PTPRN2: variants seen among roughly 807,000 people sequenced by gnomAD.
PTPRN2 encodes the protein receptor-type tyrosine-protein phosphatase N2.
A neutral mutation model predicts 118.8 loss-of-function variants in PTPRN2; 74 were observed. The ratio of observed to expected loss-of-function variants is 0.62; its 90% CI spans 0.52 to 0.76. The LOEUF is 0.76. Among genes scored for constraint, PTPRN2 ranks in the 30% least tolerant of loss-of-function variants. PTPRN2 has a pLI of 0.00. For missense variants in PTPRN2, 1,481 were observed against 1,394.4 expected, an observed-to-expected ratio of 1.06 and a Z score of -0.99; for synonymous variants, 641 against 608.0, an observed-to-expected ratio of 1.05 and a Z score of -0.80.
intron 11 of PTPRN2, among the ~76,000 whole-genome samples, chr7:157,908,930 A>G (rs1483177161): frequency 1.3e-5 from 2 of 152,196 alleles, no homozygotes; most frequent in Admixed American, 1.3e-4. Flanking sequence ...TACATCTTGT[A>G]CCCTGTGTGC....
At chr7:157,998,330 C>T (rs564868091) in intron 11 of PTPRN2, among the ~76,000 whole-genome samples, 1 of 152,300 alleles carries the variant, frequency 6.6e-6, no homozygotes, top group Admixed American at 6.5e-5. Flanking sequence ...AACACTAGCT[C>T]AGAGCCAGGA....
rs1292506021 is a variant in PTPRN2 at position 158,470,772 on chromosome 7, G to A, written c.163+18963C>T. On this transcript the variant is annotated intron_variant, in intron 2 of 22. Transcript: ENST00000389418. ...GAGAACAGGCTCAGTACATCTTCCC[G>A]CTCATGTTACAGTGAAATGCGTGAC... Among the ~76,000 whole-genome samples, 6 of 152,216 alleles carry A rather than the reference G, an allele frequency of 3.9e-5. No individual in the cohort carries two copies. The South Asian group carries it at 6.2e-4, about 16-fold the overall frequency.
chr7:157,966,757 TATCACCATCACAATGATCACTATC>T (rs964152323), intron 11 of PTPRN2, among the ~76,000 whole-genome samples: 2 of 146,658 alleles, frequency 1.4e-5, no homozygotes, highest in African/African-American at 5.1e-5. Context: ...CCATTACCAT[TATCACCATCACAATGATCACTATC>T]ATCACCATCA....
Position 157,785,007 on chromosome 7 carries a change from G to A in PTPRN2, c.1789-102070C>T, listed in dbSNP as rs1292370008. 6.6e-6 allele frequency among the ~76,000 whole-genome samples: 1 copy of A among 152,288 alleles called. No homozygotes were observed. The stretch of plus-strand genomic sequence containing the variant: ...CCTCTGTCCAGGCGGCTGAGGTCAC[G>A]CGGTCTCTTCAGTTTCCATTTTTCC... On this transcript the variant is annotated intron_variant, in intron 12 of 22. Transcript: ENST00000389418. This position sits in a 1 kb window ranked among gnomAD's most constrained non-coding sequence, Gnocchi z 7.3.
At chr7:157,684,510 C>G (rs995509641) in intron 12 of PTPRN2, among the ~76,000 whole-genome samples, 37 of 151,998 alleles carry the variant, frequency 2.4e-4, no homozygotes, top group Admixed American at 5.2e-4. Flanking sequence ...GTCCGGACCC[C>G]GCAGCCACCG....
At chr7:157,650,286 G>A (rs1283142449) in intron 14 of PTPRN2, among the ~76,000 whole-genome samples, 1 of 152,246 alleles carries the variant, frequency 6.6e-6, no homozygotes, top group Non-Finnish European at 1.5e-5. Context: ...CATCAGGGCA[G>A]GGCACACCCC....
chr7:157,866,401 CACAT>C (rs759086516), intron 12 of PTPRN2, among the ~76,000 whole-genome samples: 2 of 152,082 alleles, frequency 1.3e-5, no homozygotes, highest in Non-Finnish European at 2.9e-5. Context: ...CACATGTACA[CACAT>C]ACATACATAT....
chr7:157,875,152 A>C (rs1584928891), intron 12 of PTPRN2, among the ~76,000 whole-genome samples: 2 of 152,200 alleles, frequency 1.3e-5, no homozygotes, highest in Non-Finnish European at 2.9e-5. Context: ...GGAGGAGCCC[A>C]GGCTGTGTCG....
chr7:158,060,983 T>G (rs1017045502), intron 11 of PTPRN2, among the ~76,000 whole-genome samples: 29 of 152,256 alleles, frequency 1.9e-4, no homozygotes, highest in African/African-American at 7.0e-4. Context: ...AAACATTCTA[T>G]CAAACTGACA....
At chr7:158,050,855 C>G (rs557625819) in intron 11 of PTPRN2, among the ~76,000 whole-genome samples, 16 of 152,376 alleles carry the variant, frequency 1.1e-4, no homozygotes, top group Non-Finnish European at 1.9e-4. Context: ...AGCTCAGAGG[C>G]CTCAGCAGCC....
chr7:157,914,318 A>G (rs908908435), intron 11 of PTPRN2, among the ~76,000 whole-genome samples: 1 of 152,242 alleles, frequency 6.6e-6, no homozygotes, highest in Admixed American at 6.5e-5. Context: ...TTCACTCCAT[A>G]GGCTTCTGGA....
chr7:158,491,319 C>G (rs1482222016), intron 1 of PTPRN2, among the ~76,000 whole-genome samples: 1 of 152,164 alleles, frequency 6.6e-6, no homozygotes, highest in Non-Finnish European at 1.5e-5. Context: ...AGGTGCAGCC[C>G]TGGCCTGCCC....
chr7:157,665,049 C>T lies in PTPRN2; in HGVS notation c.2002-8498G>A, dbSNP rs1796071156. On this transcript the variant is annotated intron_variant, in intron 13 of 22. Coordinates refer to ENST00000389418, the MANE Select transcript of PTPRN2 (RefSeq NM_002847.5). ...GGCAGTGGTGCCAAGCAGGAAGCCC[C>T]GAGACCTGCCCCTCCACAGCGCCTG... 3.3e-5 allele frequency among the ~76,000 whole-genome samples: 5 copies of T among 152,242 alleles called. No individual in the cohort carries two copies. The South Asian group carries it at 8.3e-4, about 25-fold the overall frequency.
intron 12 of PTPRN2, among the ~76,000 whole-genome samples, chr7:157,742,243 C>T (rs1011637701): frequency 2.6e-5 from 4 of 152,124 alleles, no homozygotes; most frequent in Non-Finnish European, 4.4e-5. Flanking sequence ...TGGGGTAACG[C>T]GTTATTTACC....
chr7:157,648,837 C>T (rs1307011855), intron 14 of PTPRN2, among the ~76,000 whole-genome samples: 104 of 141,168 alleles, frequency 7.4e-4, no homozygotes, highest in African/African-American at 2.6e-3. Flanking sequence ...CTCGGTGGGT[C>T]GGACCCATCC....
In PTPRN2 at chr7:157,587,922, G is replaced by A. The variant is rs1240737817; in HGVS notation, c.2496+7316C>T. Among the ~76,000 whole-genome samples the A allele has an allele frequency of 4.0e-5, 6 of 151,462 alleles. No homozygotes were observed. The East Asian group carries it at 5.8e-4, about 15-fold the overall frequency. Reference sequence around the variant, plus strand: ...TGGCTGTCCCCGTGCCTGGGCTCCCGCGGTGGCTGTCCCCGTGCCTGGGCT... The same window carrying A: ...TGGCTGTCCCCGTGCCTGGGCTCCCACGGTGGCTGTCCCCGTGCCTGGGCT... On this transcript the variant is annotated intron_variant, in intron 17 of 22. Coordinates refer to ENST00000389418, the MANE Select transcript of PTPRN2 (RefSeq NM_002847.5). The surrounding 1 kb of genome is among the most constrained non-coding windows in gnomAD (Gnocchi z 5.3).
At chr7:157,860,386 G>A (rs910287488) in intron 12 of PTPRN2, among the ~76,000 whole-genome samples, 6 of 152,234 alleles carry the variant, frequency 3.9e-5, no homozygotes, top group Non-Finnish European at 8.8e-5. Flanking sequence ...CTCTCCAGGA[G>A]CTGGGCCACT....
At chr7:158,149,757 T>C (rs188551432) in intron 6 of PTPRN2, among the ~76,000 whole-genome samples, 2 of 151,526 alleles carry the variant, frequency 1.3e-5, no homozygotes, top group East Asian at 3.9e-4. Context: ...TGAGCTGAGA[T>C]TGTGCCATTG....
chr7:157,601,616 G>T (rs896814215), intron 16 of PTPRN2, among the ~76,000 whole-genome samples: 3 of 152,216 alleles, frequency 2.0e-5, no homozygotes, highest in African/African-American at 7.2e-5. Flanking sequence ...CACCCCCTCT[G>T]GTTCCCACAT....
Sources: allele counts gnomAD v4.1 joint callset (sites outside exome capture counted in the v4.1 genomes callset), GRCh38; gene constraint gnomAD v4.1.1; non-coding constraint Gnocchi (gnomAD v3.1); transcripts MANE v1.5; gene names NCBI Gene and HGNC (gene_info 2026-07-23, HGNC 2026-07-21).